Variants in FAM13A observed in about 807,000 individuals in gnomAD.
FAM13A encodes family with sequence similarity 13 member A.
FAM13A carries 76 observed loss-of-function variants against 129.6 expected under a neutral mutation model. The observed-to-expected ratio is 0.59, with a 90% CI of 0.49 to 0.71. FAM13A has a LOEUF of 0.71. FAM13A is among the 30% of genes least tolerant of loss of function. The pLI is 0.00. For missense variants in FAM13A, 1,108 were observed against 1,249.3 expected, an observed-to-expected ratio of 0.89 and a Z score of 1.70; for synonymous variants, 443 against 449.9, an observed-to-expected ratio of 0.98 and a Z score of 0.20.
At chr4:88,820,469 CTAAGTA>C (rs963833829) in intron 7 of FAM13A, among the ~76,000 whole-genome samples, 8 of 152,114 alleles carry the variant, frequency 5.3e-5, no homozygotes, top group African/African-American at 1.4e-4. Context: ...AAACAACACT[CTAAGTA>C]TGTTTTGTTT....
rs371646460 is a variant in FAM13A at position 88,851,096 on chromosome 4, G to T, written c.931C>A (p.Arg311=). Residue 311 remains arginine (R), a synonymous_variant, in exon 7 of 24, where the codon CGG becomes AGG. Coordinates refer to ENST00000264344, the MANE Select transcript of FAM13A (RefSeq NM_014883.4). ...AAGCAGGCTTTTCTATAACTTAGCC[G>T]CAAGCTGAGCTGAGGAATGCCATCA... ...LSDGIPQLSL[R]LSYRKACLED... 6 of 1,613,764 alleles carry T rather than the reference G, an allele frequency of 3.7e-6. No homozygotes were observed. The highest frequency in any genetic ancestry group is 4.2e-6 in the Non-Finnish European group (5 of 1,179,944).
chr4:88,957,609 T>C (rs866314203), intron 4 of FAM13A, among the ~76,000 whole-genome samples: 11 of 152,344 alleles, frequency 7.2e-5, no homozygotes, highest in African/African-American at 2.2e-4. Context: ...GAAGTGACTT[T>C]GGAACTGGGT....
chr4:88,785,439 C>T (rs1723774695), intron 10 of FAM13A, among the ~76,000 whole-genome samples: 1 of 152,030 alleles, frequency 6.6e-6, no homozygotes, highest in South Asian at 2.1e-4. Context: ...CATGACTCTC[C>T]TGGAGATACT....
At chr4:88,932,988 AG>A (rs1049778001) in intron 5 of FAM13A, among the ~76,000 whole-genome samples, 1 of 152,186 alleles carries the variant, frequency 6.6e-6, no homozygotes, top group African/African-American at 2.4e-5. Flanking sequence ...GATATGCCAT[AG>A]GTTAAAATGA....
At chr4:88,919,247 C>T (rs538136566) in intron 5 of FAM13A, among the ~76,000 whole-genome samples, 2 of 152,278 alleles carry the variant, frequency 1.3e-5, no homozygotes, top group East Asian at 1.9e-4. Context: ...ACCTATTAGT[C>T]ACAAGTATTC....
intron 1 of FAM13A, among the ~76,000 whole-genome samples, chr4:89,037,629 T>TGC (rs1256295274): frequency 6.6e-6 from 1 of 152,182 alleles, no homozygotes; most frequent in African/African-American, 2.4e-5. Context: ...ACATGAGATT[T>TGC]AAGAAGGGCC....
intron 7 of FAM13A, among the ~76,000 whole-genome samples, chr4:88,819,499 T>C (rs998842974): frequency 6.6e-6 from 1 of 152,114 alleles, no homozygotes; most frequent in African/African-American, 2.4e-5. Context: ...ATACATAAAA[T>C]AGAGATCCTT....
At chr4:88,786,520 CAGG>C (rs754831294) in intron 10 of FAM13A, among the ~76,000 whole-genome samples, 6 of 152,168 alleles carry the variant, frequency 3.9e-5, no homozygotes, top group Non-Finnish European at 5.9e-5. Flanking sequence ...TGTCATGCCA[CAGG>C]AGAAGAAATG....
chr4:88,798,799 A>G (rs1726793281), intron 8 of FAM13A, among the ~76,000 whole-genome samples: 1 of 152,168 alleles, frequency 6.6e-6, no homozygotes, highest in Non-Finnish European at 1.5e-5. Context: ...TTTAAACTAG[A>G]GGCTTACGTT....
intron 4 of FAM13A, among the ~76,000 whole-genome samples, chr4:88,967,541 G>C (rs968138840): frequency 6.6e-6 from 1 of 152,138 alleles, no homozygotes; most frequent in Non-Finnish European, 1.5e-5. Context: ...AATATATTCA[G>C]GGTCTTCATA....
At chr4:88,857,007 A>G (rs1234190476) in intron 6 of FAM13A, among the ~76,000 whole-genome samples, 3 of 152,230 alleles carry the variant, frequency 2.0e-5, no homozygotes, top group Non-Finnish European at 4.4e-5. Flanking sequence ...TTTGTTTACT[A>G]AACTGCTGCT....
At chr4:88,803,601 T>TCAG (rs1348743899) in intron 8 of FAM13A, among the ~76,000 whole-genome samples, 1 of 152,208 alleles carries the variant, frequency 6.6e-6, no homozygotes, top group Non-Finnish European at 1.5e-5. Flanking sequence ...CACTACGTGC[T>TCAG]CAGCAGCATC....
chr4:88,764,302 G>C (rs913512941), intron 13 of FAM13A, among the ~76,000 whole-genome samples: 1 of 152,036 alleles, frequency 6.6e-6, no homozygotes, highest in Non-Finnish European at 1.5e-5. Context: ...TATTTTGAAA[G>C]AACTTAACAC....
At chr4:88,833,619 C>T (rs1424115845) in intron 7 of FAM13A, among the ~76,000 whole-genome samples, 1 of 152,122 alleles carries the variant, frequency 6.6e-6, no homozygotes, top group African/African-American at 2.4e-5. Context: ...AACATGGTGG[C>T]TCACGCCTGT....
chr4:88,923,542 G>C (rs556304281), intron 5 of FAM13A, among the ~76,000 whole-genome samples: 1 of 152,258 alleles, frequency 6.6e-6, no homozygotes, highest in African/African-American at 2.4e-5. Context: ...AGGTATTGAG[G>C]GGACATATCT....
intron 6 of FAM13A, chr4:88,855,569 C>A (rs1166898902): frequency 6.6e-6 from 1 of 151,744 alleles, no homozygotes; most frequent in Non-Finnish European, 1.5e-5. Context: ...TAGATATATA[C>A]CTCCAATAAA....
intron 6 of FAM13A, among the ~76,000 whole-genome samples, chr4:88,902,235 G>A (rs1321285824): frequency 6.6e-6 from 1 of 152,030 alleles, no homozygotes; most frequent in African/African-American, 2.4e-5. Context: ...GAAAAGGAGG[G>A]ACTCCTCCCT....
chr4:88,766,696 A>T (rs1745764347), intron 13 of FAM13A, among the ~76,000 whole-genome samples: 1 of 152,208 alleles, frequency 6.6e-6, no homozygotes, highest in Non-Finnish European at 1.5e-5. Flanking sequence ...CTAGCACAGT[A>T]CCTGTTCCTA....
chr4:88,953,097 T>C (rs1757197072), intron 4 of FAM13A, among the ~76,000 whole-genome samples: 1 of 152,236 alleles, frequency 6.6e-6, no homozygotes, highest in African/African-American at 2.4e-5. Context: ...ATGCTTTTAG[T>C]ATATTGAGAC....
Sources: gnomAD v4.1 joint callset for allele counts (sites outside exome capture counted in the v4.1 genomes callset) on GRCh38, gnomAD v4.1.1 for gene constraint, MANE v1.5 for transcripts, NCBI Gene and HGNC (gene_info 2026-07-23, HGNC 2026-07-21) for gene names.